The following LRRTM4 variants were observed in gnomAD, a reference collection of about 807,000 sequenced individuals.
The protein encoded by LRRTM4 is leucine-rich repeat transmembrane neuronal protein 4.
A neutral mutation model predicts 47.6 loss-of-function variants in LRRTM4; 25 were observed. That is an observed-to-expected ratio of 0.53 (90% confidence interval 0.38 to 0.73). The LOEUF is 0.73. LRRTM4 is among the 30% of genes least tolerant of loss of function. The pLI is 0.00. For synonymous variants in LRRTM4, 311 were observed against 269.5 expected (o/e 1.15, Z -1.51); for missense variants, 638 against 713.4 (o/e 0.89, Z 1.20).
chr2:77,219,237 T>G (rs145824698), intron 3 of LRRTM4, among the ~76,000 whole-genome samples: 34 of 152,134 alleles, frequency 2.2e-4, no homozygotes, highest in African/African-American at 7.7e-4. Flanking sequence ...CCTAATCCTG[T>G]GAGAAAAGCA....
chr2:76,890,705 A>G (rs1311817868), intron 3 of LRRTM4, among the ~76,000 whole-genome samples: 4 of 152,124 alleles, frequency 2.6e-5, no homozygotes, highest in African/African-American at 9.6e-5. Context: ...AAAAGTATAC[A>G]TATCAACAAA....
intron 3 of LRRTM4, among the ~76,000 whole-genome samples, chr2:77,420,047 T>C (rs1674810792): frequency 6.6e-6 from 1 of 152,176 alleles, no homozygotes; most frequent in Non-Finnish European, 1.5e-5. Context: ...GGCTGGTGTT[T>C]CTGTCATTAG....
chr2:77,136,007 G>T (rs1024537568), intron 3 of LRRTM4, among the ~76,000 whole-genome samples: 1 of 152,114 alleles, frequency 6.6e-6, no homozygotes, highest in East Asian at 1.9e-4. Flanking sequence ...GGTATTAAAA[G>T]GTTTAACATG....
chr2:76,964,206 GA>G (rs1172124749), intron 3 of LRRTM4, among the ~76,000 whole-genome samples: 8 of 150,878 alleles, frequency 5.3e-5, no homozygotes, highest in African/African-American at 1.9e-4. Flanking sequence ...GTAGACGGGG[GA>G]TAGTGTTATG....
intron 3 of LRRTM4, among the ~76,000 whole-genome samples, chr2:77,090,719 C>T (rs940295883): frequency 6.6e-6 from 1 of 152,154 alleles, no homozygotes; most frequent in African/African-American, 2.4e-5. Flanking sequence ...TAAGTCATGT[C>T]CCATTTGTGC....
intron 3 of LRRTM4, among the ~76,000 whole-genome samples, chr2:77,071,971 G>T (rs1044568239): frequency 6.6e-6 from 1 of 151,980 alleles, no homozygotes; most frequent in Non-Finnish European, 1.5e-5. Flanking sequence ...TTTTTGACTT[G>T]GTAAGACTCT....
At chr2:76,962,679 A>G (rs1471444883) in intron 3 of LRRTM4, among the ~76,000 whole-genome samples, 1 of 150,628 alleles carries the variant, frequency 6.6e-6, no homozygotes, top group East Asian at 1.9e-4. Flanking sequence ...ATTTTGGTGA[A>G]ATAAATTTTA....
intron 1 of LRRTM4, 106 bp from the exon 2 acceptor site, chr2:77,521,924 A>G (rs1679529423): frequency 2.0e-6 from 1 of 496,266 alleles, no homozygotes. Context: ...TTGTGGGGGC[A>G]GGGAAAAGGA....
At chr2:76,798,417 A>C (rs1398600755) in intron 3 of LRRTM4, among the ~76,000 whole-genome samples, 1 of 151,662 alleles carries the variant, frequency 6.6e-6, no homozygotes, top group Non-Finnish European at 1.5e-5. Context: ...ACAAAGACAC[A>C]ACATACCAGA....
At chr2:77,334,184 C>A (rs1357345582) in intron 3 of LRRTM4, among the ~76,000 whole-genome samples, 2 of 152,104 alleles carry the variant, frequency 1.3e-5, no homozygotes, top group East Asian at 1.9e-4. Context: ...CCAGAAGGGA[C>A]TTGCCTTGTC....
chr2:77,397,758 A>G (rs1331434001), intron 3 of LRRTM4, among the ~76,000 whole-genome samples: 1 of 151,854 alleles, frequency 6.6e-6, no homozygotes, highest in Non-Finnish European at 1.5e-5. Context: ...CTGTCCTCTT[A>G]TCAGTAAATT....
At chr2:77,013,483 C>T (rs149156716) in intron 3 of LRRTM4, among the ~76,000 whole-genome samples, 1 of 147,440 alleles carries the variant, frequency 6.8e-6, no homozygotes, top group African/African-American at 2.6e-5. Flanking sequence ...TGCAGCCAAG[C>T]CTGAGAGAGT....
At chr2:77,407,978 C>T (rs929856424) in intron 3 of LRRTM4, among the ~76,000 whole-genome samples, 2 of 151,692 alleles carry the variant, frequency 1.3e-5, no homozygotes, top group Admixed American at 6.6e-5. Flanking sequence ...TTGATTCAAA[C>T]CAATAACCTG....
intron 3 of LRRTM4, among the ~76,000 whole-genome samples, chr2:76,875,009 T>C (rs1016413348): frequency 2.6e-5 from 4 of 152,216 alleles, no homozygotes; most frequent in Admixed American, 2.0e-4. Flanking sequence ...TGCCAATATC[T>C]CTGATCTGTT....
intron 3 of LRRTM4, among the ~76,000 whole-genome samples, chr2:77,172,440 C>G (rs1336317481): frequency 6.6e-6 from 1 of 151,926 alleles, no homozygotes; most frequent in Non-Finnish European, 1.5e-5. Flanking sequence ...AGTAAAAATA[C>G]AAAACTAGCC....
intron 3 of LRRTM4, among the ~76,000 whole-genome samples, chr2:76,950,561 A>G (rs1404865265): frequency 6.6e-6 from 1 of 152,020 alleles, no homozygotes; most frequent in East Asian, 1.9e-4. Flanking sequence ...GTTAATCAAA[A>G]TGAATACTCA....
chr2:76,765,322 A>G (rs746151527), intron 3 of LRRTM4, among the ~76,000 whole-genome samples: 1 of 152,180 alleles, frequency 6.6e-6, no homozygotes, highest in Non-Finnish European at 1.5e-5. Flanking sequence ...AAGTGATATT[A>G]TTTGAGAGTT....
intron 3 of LRRTM4, among the ~76,000 whole-genome samples, chr2:76,841,751 A>T (rs1307946604): frequency 2.6e-5 from 4 of 151,992 alleles, no homozygotes; most frequent in Non-Finnish European, 5.9e-5. Flanking sequence ...AATGTAAAAA[A>T]GTATATAAAA....
At chr2:77,063,890 AC>A (rs1679872189) in intron 3 of LRRTM4, among the ~76,000 whole-genome samples, 1 of 152,116 alleles carries the variant, frequency 6.6e-6, no homozygotes, top group African/African-American at 2.4e-5. Flanking sequence ...AGAATATTTC[AC>A]TAAAATAAAG....
Sources: allele counts gnomAD v4.1 joint callset (sites outside exome capture counted in the v4.1 genomes callset), GRCh38; gene constraint gnomAD v4.1.1; transcripts MANE v1.5; gene names NCBI Gene and HGNC (gene_info 2026-07-23, HGNC 2026-07-21).